DLGAP2: variants seen among roughly 807,000 people sequenced by gnomAD.
The protein encoded by DLGAP2 is DLG associated protein 2.
Under a neutral mutation model 100.3 loss-of-function variants are expected in DLGAP2, and 26 were observed. The observed-to-expected ratio is 0.26, with a 90% CI of 0.19 to 0.36. The LOEUF is 0.36. Ranked by LOEUF, DLGAP2 falls within the 10% of genes least tolerant of loss-of-function variation. The pLI is 1.00. For missense variants in DLGAP2, 1,858 were observed against 1,453.2 expected (o/e 1.28, Z -4.53); for synonymous variants, 886 against 630.1 (o/e 1.41, Z -6.08).
chr8:1,062,504 C>G (rs1336274428), intron 2 of DLGAP2, among the ~76,000 whole-genome samples: 1 of 152,190 alleles, frequency 6.6e-6, no homozygotes, highest in Non-Finnish European at 1.5e-5. Context: ...TCAAGGATGA[C>G]TCATTTCTGA....
At chr8:1,601,342 C>G (rs1015285966) in intron 6 of DLGAP2, among the ~76,000 whole-genome samples, 1 of 152,212 alleles carries the variant, frequency 6.6e-6, no homozygotes, top group African/African-American at 2.4e-5. Flanking sequence ...CATCAGGAGA[C>G]AAGAGGGTCA....
chr8:1,321,300 ATC>A (rs1800895546), intron 3 of DLGAP2, among the ~76,000 whole-genome samples: 2 of 149,436 alleles, frequency 1.3e-5, no homozygotes, highest in South Asian at 4.2e-4. Flanking sequence ...CTCTGTGTGC[ATC>A]TGTGTGTCTC....
intron 3 of DLGAP2, among the ~76,000 whole-genome samples, chr8:1,446,054 T>C (rs1024708251): frequency 6.6e-6 from 1 of 151,892 alleles, no homozygotes; most frequent in African/African-American, 2.4e-5. Context: ...CTGTTCACTC[T>C]GATGGTAGTT....
intron 2 of DLGAP2, among the ~76,000 whole-genome samples, chr8:1,071,121 G>A (rs1391282144): frequency 1.3e-5 from 2 of 152,180 alleles, no homozygotes; most frequent in Non-Finnish European, 2.9e-5. Flanking sequence ...CTCCTCCCAC[G>A]GATTTGCAGC....
rs927260670 is a variant in DLGAP2 at position 1,666,108 on chromosome 8, C to T, written c.1811-2221C>T. On this transcript the variant is annotated intron_variant, in intron 8 of 14. Transcript: ENST00000637795. The stretch of plus-strand genomic sequence containing the variant: ...ATATTTCCTAACCCAGGTCTCTCCC[C>T]GGCACTACTGGCCTTTGGGATGGAG... Among the ~76,000 whole-genome samples the T allele has an allele frequency of 3.9e-5, 6 of 152,334 alleles. No individual in the cohort carries two copies. The East Asian group carries it at 7.7e-4, about 20-fold the overall frequency.
chr8:1,506,060 A>C (rs1799901962), intron 4 of DLGAP2, among the ~76,000 whole-genome samples: 1 of 152,350 alleles, frequency 6.6e-6, no homozygotes, highest in South Asian at 2.1e-4. Flanking sequence ...TAATACTTAG[A>C]GCCTTCCACC....
intron 2 of DLGAP2, among the ~76,000 whole-genome samples, chr8:1,239,367 G>A (rs1274446632): frequency 1.8e-4 from 4 of 22,236 alleles, no homozygotes; most frequent in Admixed American, 4.7e-4. Context: ...CTCACATGGC[G>A]CCGTGTCTAG....
intron 1 of DLGAP2, among the ~76,000 whole-genome samples, chr8:863,564 G>C (rs973648032): frequency 6.6e-6 from 1 of 152,112 alleles, no homozygotes; most frequent in Non-Finnish European, 1.5e-5. Context: ...CCCATCTGTG[G>C]GTTTTCTCTT....
At chr8:1,141,801 G>A (rs1334798375) in intron 2 of DLGAP2, among the ~76,000 whole-genome samples, 10 of 152,020 alleles carry the variant, frequency 6.6e-5, no homozygotes, top group Non-Finnish European at 1.3e-4. Context: ...ATGACTCAAG[G>A]CTGAATACTA....
At chr8:905,684 C>T (rs1798364250) in intron 1 of DLGAP2, among the ~76,000 whole-genome samples, 1 of 152,076 alleles carries the variant, frequency 6.6e-6, no homozygotes, top group Non-Finnish European at 1.5e-5. Flanking sequence ...CGTCAGAATC[C>T]AGGGTTTGGA....
chr8:1,467,135 G>T (rs1386010786), intron 3 of DLGAP2, among the ~76,000 whole-genome samples: 1 of 151,786 alleles, frequency 6.6e-6, no homozygotes. Flanking sequence ...CAGGGGCCTG[G>T]GAGGGTCAGT....
At chr8:1,465,207 C>T (rs1378523078) in intron 3 of DLGAP2, among the ~76,000 whole-genome samples, 4 of 152,234 alleles carry the variant, frequency 2.6e-5, no homozygotes, top group South Asian at 2.1e-4. Context: ...AGTGGTAAAC[C>T]GAGGCTCCTG....
intron 2 of DLGAP2, among the ~76,000 whole-genome samples, chr8:1,174,182 T>G (rs1244556475): frequency 6.6e-6 from 1 of 152,016 alleles, no homozygotes; most frequent in Non-Finnish European, 1.5e-5. Flanking sequence ...TAGGTACATT[T>G]TCCAGGATTC....
intron 3 of DLGAP2, among the ~76,000 whole-genome samples, chr8:1,446,234 G>T (rs1333828975): frequency 2.9e-4 from 44 of 151,872 alleles, no homozygotes; most frequent in Non-Finnish European, 5.6e-4. Context: ...GGTCTAACAT[G>T]TAAGTCTTTA....
chr8:1,077,457 C>T (rs919856098), intron 2 of DLGAP2, among the ~76,000 whole-genome samples: 1 of 152,168 alleles, frequency 6.6e-6, no homozygotes, highest in African/African-American at 2.4e-5. Context: ...AAGTGAGTCA[C>T]TTTCCTATTC....
In DLGAP2 at chr8:1,188,295, A is replaced by G. The variant is rs547195821; in HGVS notation, c.74-70556A>G. The stretch of plus-strand genomic sequence containing the variant: ...ACCTCTGTGACGTTTGCCTCACAGA[A>G]TCTCACACGCCCGGGACTTCCGTGA... On this transcript the variant is annotated intron_variant, in intron 2 of 14. Coordinates refer to ENST00000637795, the MANE Select transcript of DLGAP2 (RefSeq NM_001346810.2). Among the ~76,000 whole-genome samples the G allele has an allele frequency of 2.7e-4, 34 of 127,712 alleles. 1 individual carries two copies. Among genetic ancestry groups the G allele is most frequent in the Non-Finnish European group, 3.4e-4 (21 of 62,268 alleles). 83.8% of individuals were successfully genotyped at this position (127,712 alleles called of 152,430 possible).
intron 3 of DLGAP2, among the ~76,000 whole-genome samples, chr8:1,430,031 C>T (rs10088425): frequency 0.45 from 15,982 of 35,820 alleles, 2,566 homozygotes; most frequent in Non-Finnish European, 0.52. Context: ...TATATATACA[C>T]ACACACACAT....
chr8:1,219,368 AGAT>A (rs1798273298), intron 2 of DLGAP2, among the ~76,000 whole-genome samples: 2 of 152,204 alleles, frequency 1.3e-5, no homozygotes, highest in African/African-American at 4.8e-5. Context: ...GCATCTATTA[AGAT>A]GATCATGTAG....
In DLGAP2 at chr8:1,549,524, G is replaced by C; in HGVS notation, c.1071G>C (p.Leu357Phe). 6.2e-7 allele frequency: 1 copy of C among 1,613,448 alleles called. No individual in the cohort carries two copies. Among genetic ancestry groups the C allele is most frequent in the Non-Finnish European group, 8.5e-7 (1 of 1,179,858 alleles). Residue 357 changes from leucine (L) to phenylalanine (F), a missense_variant, in exon 5 of 15, where the codon TTG (leucine) becomes TTC (phenylalanine). Physicochemically the swap from Leu to Phe is conservative, Grantham distance 22. Coordinates refer to ENST00000637795, the MANE Select transcript of DLGAP2 (RefSeq NM_001346810.2). ...TCAAGTGCTCGGCCTGTGAGGGGTT[G>C]GCGCTGACGCCCGACGCCAAGTACC... is the stretch of plus-strand genomic sequence containing the variant. ...NDVKCSACEGLALTPDAKYLK... is the reference protein window; with the variant it reads ...NDVKCSACEGFALTPDAKYLK...
Sources: gnomAD v4.1 joint callset for allele counts (sites outside exome capture counted in the v4.1 genomes callset) on GRCh38, gnomAD v4.1.1 for gene constraint, MANE v1.5 for transcripts, NCBI Gene and HGNC (gene_info 2026-07-23, HGNC 2026-07-21) for gene names.